KIAA0753: variants seen among roughly 807,000 people sequenced by gnomAD.
KIAA0753 encodes KIAA0753.
KIAA0753 carries 114 observed loss-of-function variants against 116.9 expected under a neutral mutation model. The ratio of observed to expected loss-of-function variants is 0.98; its 90% CI spans 0.84 to 1.14. The LOEUF (loss-of-function observed/expected upper bound fraction) is 1.14, where lower values mean the gene tolerates loss of function less well. KIAA0753 is among the 50% of genes most tolerant of loss of function. KIAA0753 has a pLI of 0.00. For missense variants in KIAA0753, 1,156 were observed against 1,172.4 expected, an observed-to-expected ratio of 0.99 and a Z score of 0.20; for synonymous variants, 405 against 413.1, an observed-to-expected ratio of 0.98 and a Z score of 0.24.
intron 12 of KIAA0753, among the ~76,000 whole-genome samples, chr17:6,601,689 A>G (rs1337397187): frequency 6.6e-6 from 1 of 152,250 alleles, no homozygotes; most frequent in Non-Finnish European, 1.5e-5. Flanking sequence ...AATAAATGGT[A>G]AAACTATAAA....
intron 12 of KIAA0753, 150 bp downstream of exon 12, chr17:6,606,723 A>T: frequency 1.8e-6 from 1 of 567,956 alleles, no homozygotes; most frequent in Non-Finnish European, 3.1e-6. Flanking sequence ...CTAGCAAAAA[A>T]ATATGGTATA....
Position 6,606,911 on chromosome 17 carries a change from C to T in KIAA0753, c.1971G>A (p.Glu657=). 2 of 1,614,078 alleles carry T rather than the reference C, an allele frequency of 1.2e-6. No individual in the cohort carries two copies. The highest frequency in any genetic ancestry group is 1.7e-6 in the Non-Finnish European group (2 of 1,179,978). The part of the protein sequence containing the change: ...ETSRRTKELN[E]LKAEEMYRLQ... ...GTCTATACATTTCTTCAGCTTTGAGCTCATTCAGTTCCTTTGTTCTTCTAG... is the reference window on the plus strand; with the variant it reads ...GTCTATACATTTCTTCAGCTTTGAGTTCATTCAGTTCCTTTGTTCTTCTAG... Residue 657 remains glutamate (E), a synonymous_variant, in exon 12 of 19, where the codon GAG becomes GAA. Coordinates refer to ENST00000361413, the MANE Select transcript of KIAA0753 (RefSeq NM_014804.3).
chr17:6,587,649 T>C (rs1567535219), intron 18 of KIAA0753, among the ~76,000 whole-genome samples: 1 of 152,222 alleles, frequency 6.6e-6, no homozygotes, highest in East Asian at 1.9e-4. Context: ...TCCTTCAGAA[T>C]ACATGTGAAG....
In KIAA0753 at chr17:6,606,769, T is replaced by C. The variant is rs1970221367; in HGVS notation, c.2009+104A>G. On this transcript the variant is annotated intron_variant, in intron 12 of 18. Transcript: ENST00000361413. ...AGACATGCAGCTATTCATTCATTCA[T>C]GTAATGAAGTTAGGCCTTAACAGTC... 4 of 775,808 alleles carry C rather than the reference T, an allele frequency of 5.2e-6. No individual in the cohort carries two copies. The East Asian group carries it at 7.6e-5, about 15-fold the overall frequency. The allele number at this position is 775,808 out of a possible 1,614,324, so 48.1% of individuals were successfully genotyped here.
chr17:6,626,776 C>T (rs1971696252), intron 3 of KIAA0753, among the ~76,000 whole-genome samples: 1 of 152,216 alleles, frequency 6.6e-6, no homozygotes, highest in Non-Finnish European at 1.5e-5. Flanking sequence ...AAAGTATTGA[C>T]TTATGACACA....
At chr17:6,594,941 T>C (rs1190361547) in intron 16 of KIAA0753, 31 bp downstream of exon 16, 2 of 1,540,906 alleles carry the variant, frequency 1.3e-6, no homozygotes, top group African/African-American at 2.7e-5. Context: ...CAGAATAAAA[T>C]GTTAGGGGAA....
At chr17:6,627,501 T>G (rs1300940441) in intron 3 of KIAA0753, among the ~76,000 whole-genome samples, 1 of 152,150 alleles carries the variant, frequency 6.6e-6, no homozygotes, top group Non-Finnish European at 1.5e-5. Context: ...ACTTGTTAGT[T>G]ACGGTAACCC....
At chr17:6,609,600 A>G (rs1291385436) in intron 9 of KIAA0753, among the ~76,000 whole-genome samples, 1 of 152,258 alleles carries the variant, frequency 6.6e-6, no homozygotes, top group Non-Finnish European at 1.5e-5. Flanking sequence ...TTTACTCAGC[A>G]AAGATTTACT....
intron 18 of KIAA0753, among the ~76,000 whole-genome samples, chr17:6,585,819 G>T (rs188416482): frequency 5.3e-5 from 8 of 152,218 alleles, no homozygotes; most frequent in African/African-American, 1.9e-4. Flanking sequence ...TGCTTCCTCA[G>T]AGTGCTTATC....
Position 6,589,793 on chromosome 17 carries a change from C to A in KIAA0753, c.2772G>T (p.Trp924Cys). The A allele has an allele frequency of 6.2e-7, 1 of 1,606,002 alleles. No homozygotes were observed. The highest frequency in any genetic ancestry group is 8.5e-7 in the Non-Finnish European group (1 of 1,177,888). ...ATTTTACTGACCTTTCAGCTATCAG[C>A]CACGGGTTGAAGGAGCCTACAGCCT... ...SHEAVGSFNP[W>C]LIAESFSEEL... The change falls in exon 18 of 19, where the codon TGG becomes TGT. Residue 924 changes from tryptophan to cysteine, a missense_variant. Coordinates refer to ENST00000361413, the MANE Select transcript of KIAA0753 (RefSeq NM_014804.3).
At chr17:6,620,652 T>C in intron 7 of KIAA0753, 136 bp downstream of exon 7, 1 of 788,338 alleles carries the variant, frequency 1.3e-6, no homozygotes, top group African/African-American at 1.7e-5. Context: ...TGGTTGCTAT[T>C]TACTGATCCT....
In KIAA0753 at chr17:6,623,379, ACT is replaced by A. The variant is rs1266442950; in HGVS notation, c.888+128_888+129del. 6.8e-6 allele frequency: 5 copies of A among 738,160 alleles called. No individual in the cohort carries two copies. In the African/African-American group the frequency reaches 7.0e-5, roughly 10 times the overall value. 45.7% of individuals were successfully genotyped at this position (738,160 alleles called of 1,614,324 possible). Reference sequence around the variant, plus strand: ...CATATTCAGAATATGTAAGGTGCTCACTCCCTCACTAACAGGTTTCTGCAAGT... The same window carrying A: ...CATATTCAGAATATGTAAGGTGCTCACCCTCACTAACAGGTTTCTGCAAGT... On this transcript the variant is annotated intron_variant, in intron 5 of 18. Coordinates refer to ENST00000361413, the MANE Select transcript of KIAA0753 (RefSeq NM_014804.3).
At chr17:6,617,509 C>T (rs976149622) in intron 7 of KIAA0753, among the ~76,000 whole-genome samples, 6 of 152,232 alleles carry the variant, frequency 3.9e-5, no homozygotes, top group African/African-American at 1.4e-4. Flanking sequence ...TAAAACCCTT[C>T]TAATTTCCCA....
rs114640097 is a variant in KIAA0753 at position 6,610,194 on chromosome 17, C to A, written c.1546-34G>T. On this transcript the variant is annotated intron_variant, in intron 8 of 18. Coordinates refer to ENST00000361413, the MANE Select transcript of KIAA0753 (RefSeq NM_014804.3). ...GATAAGTAAGAATTATAAGGCCACA[C>A]AAATACCAAAGAAACTATGGTTTAA... 4.0e-3 allele frequency: 6,382 copies of A among 1,607,634 alleles called. 194 individuals are homozygous for A. The African/African-American group carries it at 0.071, about 18-fold the overall frequency.
intron 2 of KIAA0753, chr17:6,634,784 G>C (rs1334700203): frequency 2.2e-6 from 1 of 462,370 alleles, no homozygotes; most frequent in East Asian, 3.7e-5. Context: ...TTCATTTTTA[G>C]GAGAAGTATT....
Position 6,590,493 on chromosome 17 carries a change from G to A in KIAA0753, c.2561+17C>T. 6.2e-7 allele frequency: 1 copy of A among 1,613,458 alleles called. No individual in the cohort carries two copies. Among genetic ancestry groups the A allele is most frequent in the Non-Finnish European group, 8.5e-7 (1 of 1,179,542 alleles). On this transcript the variant is annotated intron_variant, in intron 17 of 18. Coordinates refer to ENST00000361413, the MANE Select transcript of KIAA0753 (RefSeq NM_014804.3). ...TGACTGACTAGAATGAAATCAGAAA[G>A]TGTCTTTGCCACTTACTTGCCATTA...
rs780549298 is a variant in KIAA0753, at chr17:6,596,174, C to T, written c.2342G>A (p.Arg781Gln). 2.7e-5 allele frequency: 44 copies of T among 1,613,674 alleles called. No homozygotes were observed. The highest frequency in any genetic ancestry group is 4.5e-5 in the East Asian group (2 of 44,900). The change falls in exon 15 of 19, where the codon CGA (arginine) becomes CAA (glutamine). Residue 781 changes from arginine to glutamine, a missense_variant. By Grantham distance (43) the Arg-to-Gln change is conservative. Transcript: ENST00000361413. Reference protein sequence around the residue: ...DSPDLEIMMRRMEEMEKYQES... With the variant: ...DSPDLEIMMRQMEEMEKYQES... Reference sequence around the variant, plus strand: ...AGACCTTACTTCCATCTCTTCCATTCGGCGCATCATGATCTCCAGATCTGG... The same window carrying T: ...AGACCTTACTTCCATCTCTTCCATTTGGCGCATCATGATCTCCAGATCTGG...
chr17:6,585,586 T>G (rs754916240), intron 18 of KIAA0753, among the ~76,000 whole-genome samples: 4 of 152,208 alleles, frequency 2.6e-5, no homozygotes, highest in Admixed American at 6.5e-5. Flanking sequence ...TGTCTTTTTA[T>G]TCTACTGCCT....
rs752842358 is a variant in KIAA0753 at position 6,579,851 on chromosome 17, G to C, written c.2800C>G (p.Leu934Val). The change falls in exon 19 of 19, where the codon CTG becomes GTG. Residue 934 changes from leucine to valine, a missense_variant. By Grantham distance (32) the Leu-to-Val change is conservative. Transcript: ENST00000361413. ...ACAGCACCCAGAGCTTCATCTACCAGCTCTTCTGAAAAGCTGGAAGACAAA... is the reference window on the plus strand; with the variant it reads ...ACAGCACCCAGAGCTTCATCTACCACCTCTTCTGAAAAGCTGGAAGACAAA... Reference protein sequence around the residue: ...WLIAESFSEELVDEALGAVAA... With the variant: ...WLIAESFSEEVVDEALGAVAA... 1 of 1,613,208 alleles carries C rather than the reference G, an allele frequency of 6.2e-7. No homozygotes were observed. Among genetic ancestry groups the C allele is most frequent in the East Asian group, 2.2e-5 (1 of 44,876 alleles).
Sources: allele counts gnomAD v4.1 joint callset (sites outside exome capture counted in the v4.1 genomes callset), GRCh38; gene constraint gnomAD v4.1.1; transcripts MANE v1.5; gene names NCBI Gene and HGNC (gene_info 2026-07-23, HGNC 2026-07-21).